The following POLB variants were observed in gnomAD, a reference collection of about 807,000 sequenced individuals.
POLB encodes the protein DNA polymerase beta.
POLB carries 37 observed loss-of-function variants against 52.7 expected under a neutral mutation model. That is an observed-to-expected ratio of 0.70 (90% confidence interval 0.54 to 0.92). The LOEUF (loss-of-function observed/expected upper bound fraction) is 0.92. Among genes scored for constraint, POLB ranks in the 40% least tolerant of loss-of-function variants. POLB has a pLI of 0.00. For synonymous variants in POLB, 138 were observed against 131.3 expected (o/e 1.05, Z -0.35); for missense variants, 313 against 400.8 (o/e 0.78, Z 1.87).
chr8:42,351,145 G>T (rs1010345310), intron 5 of POLB, among the ~76,000 whole-genome samples: 2 of 152,162 alleles, frequency 1.3e-5, no homozygotes, highest in Admixed American at 6.5e-5. Context: ...AGAGTGCTAG[G>T]ATTATAGGTG....
chr8:42,370,852 TG>T (rs1270362387), intron 13 of POLB, among the ~76,000 whole-genome samples: 2 of 152,228 alleles, frequency 1.3e-5, no homozygotes, highest in Non-Finnish European at 2.9e-5. Flanking sequence ...GAATTTGTGT[TG>T]GGCCACATTC....
intron 3 of POLB, among the ~76,000 whole-genome samples, chr8:42,346,250 T>C (rs1822603007): frequency 6.6e-6 from 1 of 152,160 alleles, no homozygotes; most frequent in African/African-American, 2.4e-5. Flanking sequence ...GTCCAGGTCC[T>C]GATAGTTATC....
At chr8:42,341,991 T>A in intron 2 of POLB, 1 of 754,880 alleles carries the variant, frequency 1.3e-6, no homozygotes. Context: ...GAGAACTGTT[T>A]CTTGTAAGCA....
intron 11 of POLB, among the ~76,000 whole-genome samples, chr8:42,366,873 A>G (rs3136789): frequency 0.029 from 4,469 of 152,360 alleles, 80 homozygotes; most frequent in Non-Finnish European, 0.039. Flanking sequence ...TTGTACAAAT[A>G]TTTGATGTAC....
At chr8:42,363,527 CAAAAAAAAAAAAAAAAAAA>C (rs1163249252) in intron 11 of POLB, among the ~76,000 whole-genome samples, 1 of 15,822 alleles carries the variant, frequency 6.3e-5, no homozygotes, top group Non-Finnish European at 1.8e-4. Context: ...GACTCTGTCT[CAAAAAAAAAAAAAAAAAAA>C]AAAAAAAAAA....
At chr8:42,356,679 T>TA (rs1027433792) in intron 7 of POLB, among the ~76,000 whole-genome samples, 1 of 152,086 alleles carries the variant, frequency 6.6e-6, no homozygotes, top group Non-Finnish European at 1.5e-5. Context: ...TCTGGACACT[T>TA]AATGTAAATG....
chr8:42,345,029 G>T lies in POLB; in HGVS notation c.186+10G>T. 6.3e-7 allele frequency: 1 copy of T among 1,589,674 alleles called. No homozygotes were observed. The highest frequency in any genetic ancestry group is 8.6e-7 in the Non-Finnish European group (1 of 1,157,744). On this transcript the variant is annotated intron_variant, in intron 3 of 13. Transcript: ENST00000265421. Reference sequence around the variant, plus strand: ...TGAAGCTAAGAAATTGGTAAGTTTAGTTAGCATGTTGATCGAAGAGTTCAC... The same window carrying T: ...TGAAGCTAAGAAATTGGTAAGTTTATTTAGCATGTTGATCGAAGAGTTCAC...
In POLB at chr8:42,371,797, C is replaced by T. The variant is rs1824420480; in HGVS notation, c.*140C>T. ...GCTTGCAATGTAGTCAATAAAACCT[C>T]ATGTACTATTATTGGATGATGATGA... On this transcript the variant is annotated 3_prime_UTR_variant, in exon 14 of 14. Coordinates refer to ENST00000265421, the MANE Select transcript of POLB (RefSeq NM_002690.3). 1 of 597,076 alleles carries T rather than the reference C, an allele frequency of 1.7e-6. No individual in the cohort carries two copies. The highest frequency in any genetic ancestry group is 2.7e-5 in the Admixed American group (1 of 37,640). The allele number at this position is 597,076 out of a possible 1,614,324, so 37.0% of individuals were successfully genotyped here. A position where few individuals can be genotyped will look rare whatever the true frequency, so the allele number is the denominator to read the frequency against.
intron 5 of POLB, among the ~76,000 whole-genome samples, chr8:42,350,548 A>T (rs913490834): frequency 2.0e-5 from 3 of 151,930 alleles, no homozygotes; most frequent in Admixed American, 6.6e-5. Context: ...AGTAGCTTGG[A>T]TTATAGGTGC....
At chr8:42,369,247 C>T (rs1241037534) in intron 11 of POLB, 24 bp from the exon 12 acceptor site, 2 of 1,438,136 alleles carry the variant, frequency 1.4e-6, no homozygotes, top group African/African-American at 2.8e-5. Flanking sequence ...CATCTTTAAA[C>T]TTGGTTTAAA....
chr8:42,349,141 C>A (rs772389405), intron 4 of POLB, 51 bp downstream of exon 4: 2 of 1,020,318 alleles, frequency 2.0e-6, no homozygotes, highest in Non-Finnish European at 3.1e-6. Context: ...GCCTTTATGG[C>A]CACTATGTAG....
At chr8:42,354,485 T>C in intron 6 of POLB, 1 of 1,271,060 alleles carries the variant, frequency 7.9e-7, no homozygotes, top group Non-Finnish European at 1.0e-6. Context: ...AGACTTAATA[T>C]GGGATGTTAT....
intron 13 of POLB, among the ~76,000 whole-genome samples, chr8:42,371,141 G>T (rs1227651436): frequency 1.3e-5 from 2 of 151,638 alleles, no homozygotes; most frequent in Non-Finnish European, 2.9e-5. Context: ...CTTTTTTTTT[G>T]AAATGGAGTT....
intron 2 of POLB, chr8:42,342,765 CG>C: frequency 3.1e-6 from 1 of 319,712 alleles, no homozygotes; most frequent in Non-Finnish European, 5.9e-6. Context: ...GATGCCAAGG[CG>C]GGTGGATGGC....
At chr8:42,370,259 G>GT (rs34271342) in intron 13 of POLB, 11,315 of 286,204 alleles carry the variant, frequency 0.04, 41 homozygotes, top group Admixed American at 0.056. Flanking sequence ...ATCTAAAAGG[G>GT]TTTTTTTTTT....
intron 7 of POLB, among the ~76,000 whole-genome samples, chr8:42,356,051 A>G (rs1823296495): frequency 6.6e-6 from 1 of 152,238 alleles, no homozygotes; most frequent in African/African-American, 2.4e-5. Context: ...GCATGTTTCT[A>G]TATCAGCATC....
intron 6 of POLB, among the ~76,000 whole-genome samples, chr8:42,353,317 T>A (rs1823096559): frequency 6.6e-6 from 1 of 151,784 alleles, no homozygotes; most frequent in Non-Finnish European, 1.5e-5. Flanking sequence ...TTCACTGTGT[T>A]AGCCAGGATG....
intron 10 of POLB, among the ~76,000 whole-genome samples, chr8:42,362,258 A>AAAAATAAAATAAAAT (rs200006937): frequency 2.9e-4 from 27 of 93,296 alleles, no homozygotes; most frequent in Admixed American, 1.8e-3. Context: ...GACTCCATCT[A>AAAAATAAAATAAAAT]AAAATAAAAT....
chr8:42,356,491 A>G (rs1418416208), intron 7 of POLB, among the ~76,000 whole-genome samples: 1 of 152,232 alleles, frequency 6.6e-6, no homozygotes, highest in African/African-American at 2.4e-5. Flanking sequence ...GACTTTTAGT[A>G]TATTCACAGA....
Sources: gnomAD v4.1 joint callset for allele counts (sites outside exome capture counted in the v4.1 genomes callset) on GRCh38, gnomAD v4.1.1 for gene constraint, MANE v1.5 for transcripts, NCBI Gene and HGNC (gene_info 2026-07-23, HGNC 2026-07-21) for gene names.